Variants in ARSB observed in about 807,000 individuals in gnomAD.
ARSB encodes N-acetylgalactosamine-4-sulfatase.
ARSB carries 41 observed loss-of-function variants against 50.9 expected under a neutral mutation model. The ratio of observed to expected loss-of-function variants is 0.81; its 90% confidence interval spans 0.63 to 1.04. ARSB has a LOEUF of 1.04. ARSB is among the 50% of genes least tolerant of loss of function. ARSB has a pLI of 0.00. For synonymous variants in ARSB, 269 were observed against 284.8 expected, an observed-to-expected ratio of 0.94 and a Z score of 0.56; for missense variants, 672 against 693.3, an observed-to-expected ratio of 0.97 and a Z score of 0.35.
chr5:78,962,038 G>A (rs886511960), intron 3 of ARSB, among the ~76,000 whole-genome samples: 6 of 152,102 alleles, frequency 3.9e-5, no homozygotes, highest in African/African-American at 1.4e-4. Context: ...AGAATCTCTG[G>A]TCTTGGATAT....
intron 4 of ARSB, among the ~76,000 whole-genome samples, chr5:78,901,566 A>G (rs1278822820): frequency 6.6e-6 from 1 of 151,644 alleles, no homozygotes; most frequent in East Asian, 1.9e-4. Context: ...TCAAAAAAAA[A>G]TAATGCTAGA....
At chr5:78,864,382 C>A (rs1322441115) in intron 5 of ARSB, among the ~76,000 whole-genome samples, 1 of 152,148 alleles carries the variant, frequency 6.6e-6, no homozygotes, top group Non-Finnish European at 1.5e-5. Context: ...AAGGAGAAAC[C>A]CCTGACAAAA....
At chr5:78,957,759 G>A (rs1037258682) in intron 3 of ARSB, among the ~76,000 whole-genome samples, 1 of 152,030 alleles carries the variant, frequency 6.6e-6, no homozygotes, top group African/African-American at 2.4e-5. Context: ...CCTGCCTGGG[G>A]GTGATGAAGG....
intron 5 of ARSB, among the ~76,000 whole-genome samples, chr5:78,850,633 G>T (rs1347031689): frequency 1.3e-5 from 2 of 152,190 alleles, no homozygotes; most frequent in Non-Finnish European, 2.9e-5. Context: ...CAGAAGGAAT[G>T]GTACCAGTTC....
At chr5:78,965,925 A>C (rs1011667593) in intron 2 of ARSB, among the ~76,000 whole-genome samples, 1 of 152,216 alleles carries the variant, frequency 6.6e-6, no homozygotes, top group African/African-American at 2.4e-5. Context: ...TATGTATATA[A>C]TGGAAAACGA....
intron 4 of ARSB, among the ~76,000 whole-genome samples, chr5:78,927,430 G>A (rs1423773141): frequency 6.6e-6 from 1 of 151,942 alleles, no homozygotes; most frequent in East Asian, 1.9e-4. Flanking sequence ...TGAAGGCCAG[G>A]GCACTATTTA....
intron 6 of ARSB, among the ~76,000 whole-genome samples, chr5:78,838,410 C>T (rs781182909): frequency 1.1e-4 from 16 of 152,130 alleles, no homozygotes; most frequent in South Asian, 2.1e-4. Context: ...TGAGGCTGGC[C>T]GGGCAAGTGG....
chr5:78,794,647 G>C (rs1295517390), intron 6 of ARSB, among the ~76,000 whole-genome samples: 1 of 152,188 alleles, frequency 6.6e-6, no homozygotes, highest in East Asian at 1.9e-4. Flanking sequence ...TGTTTTATCA[G>C]GCAGGATATT....
In ARSB at chr5:78,950,361, C is replaced by T. The variant is rs77260208; in HGVS notation, c.898+4934G>A. On this transcript the variant is annotated intron_variant, in intron 4 of 7. Transcript: ENST00000264914. ...ATAAGAACTGGCCCACCCTGCTTTG[C>T]CTCATGACACAGAGCCCTTCACCTA... Among the ~76,000 whole-genome samples the T allele has an allele frequency of 7.8e-3, 1,194 of 152,262 alleles. 10 individuals carry two copies. Among genetic ancestry groups the T allele is most frequent in the Non-Finnish European group, 0.011 (739 of 68,020 alleles).
At chr5:78,827,448 C>T (rs1390186711) in intron 6 of ARSB, among the ~76,000 whole-genome samples, 1 of 152,102 alleles carries the variant, frequency 6.6e-6, no homozygotes, top group African/African-American at 2.4e-5. Flanking sequence ...TGGCCTCATG[C>T]AATCCACCCA....
At chr5:78,820,938 C>CAA in intron 6 of ARSB, among the ~76,000 whole-genome samples, 2 of 133,104 alleles carry the variant, frequency 1.5e-5, no homozygotes, top group African/African-American at 5.6e-5. Context: ...AAGTATGTGG[C>CAA]AAAAAAAAAA....
intron 5 of ARSB, among the ~76,000 whole-genome samples, chr5:78,869,023 A>C (rs1433874818): frequency 1.3e-5 from 2 of 150,930 alleles, no homozygotes; most frequent in Non-Finnish European, 3.0e-5. Flanking sequence ...CTAGTCTCTG[A>C]TAAAACAGAC....
intron 4 of ARSB, among the ~76,000 whole-genome samples, chr5:78,887,015 ACACT>A (rs1247348558): frequency 1.3e-5 from 2 of 152,222 alleles, no homozygotes; most frequent in African/African-American, 4.8e-5. Context: ...CTGAGGCCAG[ACACT>A]CACTAGCTGT....
intron 5 of ARSB, among the ~76,000 whole-genome samples, chr5:78,875,249 C>T (rs1747432007): frequency 6.6e-6 from 1 of 152,034 alleles, no homozygotes; most frequent in Non-Finnish European, 1.5e-5. Context: ...CTTAACAATG[C>T]ACTTCTAAAT....
intron 5 of ARSB, among the ~76,000 whole-genome samples, chr5:78,863,454 G>A (rs1206029369): frequency 2.6e-4 from 40 of 152,112 alleles, no homozygotes; most frequent in Non-Finnish European, 8.8e-5. Flanking sequence ...CATGTCCTTT[G>A]TAGGGACATG....
At chr5:78,933,332 T>G (rs528618677) in intron 4 of ARSB, among the ~76,000 whole-genome samples, 3 of 152,214 alleles carry the variant, frequency 2.0e-5, no homozygotes, top group Non-Finnish European at 4.4e-5. Context: ...AAGAAATCAG[T>G]CCATGGATCC....
chr5:78,866,988 A>G (rs901820420), intron 5 of ARSB, among the ~76,000 whole-genome samples: 1 of 152,338 alleles, frequency 6.6e-6, no homozygotes, highest in Non-Finnish European at 1.5e-5. Flanking sequence ...AAGCAGGGCG[A>G]GGCATTGCCT....
At chr5:78,974,574 T>C (rs917034444) in intron 1 of ARSB, among the ~76,000 whole-genome samples, 1 of 152,168 alleles carries the variant, frequency 6.6e-6, no homozygotes, top group African/African-American at 2.4e-5. Flanking sequence ...AGCAACAGCT[T>C]ATGCTCAAAG....
At chr5:78,881,260 C>A (rs1747734459) in intron 5 of ARSB, among the ~76,000 whole-genome samples, 1 of 151,626 alleles carries the variant, frequency 6.6e-6, no homozygotes, top group African/African-American at 2.4e-5. Flanking sequence ...AAAAGAAATA[C>A]ATGGAAGAAA....
Sources: gnomAD v4.1 joint callset for allele counts (sites outside exome capture counted in the v4.1 genomes callset) on GRCh38, gnomAD v4.1.1 for gene constraint, MANE v1.5 for transcripts, NCBI Gene and HGNC (gene_info 2026-07-23, HGNC 2026-07-21) for gene names.